The following URB2 variants were observed in gnomAD, a reference collection of about 807,000 sequenced individuals.
The protein encoded by URB2 is URB2 ribosome biogenesis homolog.
A neutral mutation model predicts 120.9 loss-of-function variants in URB2; 86 were observed. The ratio of observed to expected loss-of-function variants is 0.71; its 90% confidence interval spans 0.60 to 0.85. The LOEUF is 0.85. Among genes scored for constraint, URB2 ranks in the 40% least tolerant of loss-of-function variants. The probability of loss-of-function intolerance (pLI) is 0.00; values close to 1 mark genes in which losing one functional copy is unlikely to be tolerated. For missense variants in URB2, 1,765 were observed against 1,836.5 expected (o/e 0.96, Z 0.71); for synonymous variants, 755 against 758.4 (o/e 1.00, Z 0.07).
intron 5 of URB2, among the ~76,000 whole-genome samples, chr1:229,645,172 C>T (rs1437839684): frequency 6.6e-6 from 1 of 151,906 alleles, no homozygotes; most frequent in Admixed American, 6.6e-5. Context: ...GTAATCCCAG[C>T]CACCTGGGAG....
At chr1:229,657,952 A>G (rs555561809) in intron 9 of URB2, among the ~76,000 whole-genome samples, 49 of 152,318 alleles carry the variant, frequency 3.2e-4, no homozygotes, top group African/African-American at 9.9e-4. Flanking sequence ...CAGGGTAGCA[A>G]TAAATGATCA....
intron 8 of URB2, among the ~76,000 whole-genome samples, chr1:229,651,682 C>G (rs780258259): frequency 1.5e-4 from 23 of 152,148 alleles, no homozygotes; most frequent in African/African-American, 5.3e-4. Context: ...TGAAAAGGAA[C>G]AGGCAGGTAT....
intron 2 of URB2, among the ~76,000 whole-genome samples, chr1:229,628,101 TTATATATG>T (rs1665558800): frequency 7.0e-6 from 1 of 142,836 alleles, no homozygotes; most frequent in African/African-American, 2.6e-5. Flanking sequence ...ATTATATATA[TTATATATG>T]TATATATATG....
chr1:229,639,693 C>A (rs1368998311), intron 4 of URB2, among the ~76,000 whole-genome samples: 2 of 152,180 alleles, frequency 1.3e-5, no homozygotes, highest in Non-Finnish European at 2.9e-5. Context: ...ACTGTGCCTT[C>A]CTTAGTTCAC....
intron 5 of URB2, among the ~76,000 whole-genome samples, chr1:229,645,013 C>T (rs917080853): frequency 1.3e-5 from 2 of 152,066 alleles, no homozygotes; most frequent in Admixed American, 6.6e-5. Flanking sequence ...TGGCCGGGTG[C>T]GGTGGCTCAT....
chr1:229,641,895 A>G (rs1386054553), intron 4 of URB2, among the ~76,000 whole-genome samples: 1 of 152,118 alleles, frequency 6.6e-6, no homozygotes, highest in African/African-American at 2.4e-5. Flanking sequence ...CTGTGGTCCC[A>G]ACTACTCCGA....
At chr1:229,647,434 A>C in intron 6 of URB2, 76 bp from the exon 7 acceptor site, 1 of 1,528,126 alleles carries the variant, frequency 6.5e-7, no homozygotes, top group East Asian at 2.3e-5. Flanking sequence ...TACCTCAGTC[A>C]CTCAGAGCTG....
At chr1:229,626,525 G>A (rs1353680809) in intron 1 of URB2, among the ~76,000 whole-genome samples, 169 bp downstream of exon 1, 1 of 152,274 alleles carries the variant, frequency 6.6e-6, no homozygotes, top group Non-Finnish European at 1.5e-5. Flanking sequence ...GGCTGGAGCG[G>A]CTTCGGCACG....
chr1:229,654,589 C>T (rs1255517708), intron 9 of URB2, among the ~76,000 whole-genome samples: 1 of 152,080 alleles, frequency 6.6e-6, no homozygotes, highest in African/African-American at 2.4e-5. Flanking sequence ...AACTCCTGGG[C>T]TCAAATGTTC....
Position 229,648,398 on chromosome 1 carries a change from C to T in URB2, c.4149+646C>T, listed in dbSNP as rs898879214. ...AAAATTACTCTGTTTTTGCTCACCA[C>T]GTCTTTAAATAAGCCACTCGCATAG... On this transcript the variant is annotated intron_variant, in intron 7 of 9. Coordinates refer to ENST00000258243, the MANE Select transcript of URB2 (RefSeq NM_014777.4). Among the ~76,000 whole-genome samples the T allele has an allele frequency of 4.6e-5, 7 of 152,256 alleles. No individual in the cohort carries two copies. In the South Asian group the frequency reaches 6.2e-4, roughly 14 times the overall value.
Position 229,635,577 on chromosome 1 carries a change from C to G in URB2, c.964C>G (p.Leu322Val), listed in dbSNP as rs1665782770. 1 of 1,614,124 alleles carries G rather than the reference C, an allele frequency of 6.2e-7. No homozygotes were observed. The highest frequency in any genetic ancestry group is 1.3e-5 in the African/African-American group (1 of 75,060). ...TTCTTACTTTAAGGAGGGAAACCAGCTTCTCTGCTTCCAGGTTCTCCCCAG... is the reference window on the plus strand; with the variant it reads ...TTCTTACTTTAAGGAGGGAAACCAGGTTCTCTGCTTCCAGGTTCTCCCCAG... ...LDSYFKEGNQ[L>V]LCFQVLPRLF... is the part of the protein sequence containing the mutation. Residue 322 changes from leucine (L) to valine (V), a missense_variant, in exon 4 of 10, where the codon CTT becomes GTT. By Grantham distance (32) the Leu-to-Val change is conservative. Transcript: ENST00000258243.
intron 5 of URB2, 23 bp downstream of exon 5, chr1:229,643,716 T>G: frequency 6.2e-7 from 1 of 1,603,062 alleles, no homozygotes; most frequent in South Asian, 1.1e-5. Context: ...TCCCTCCTTG[T>G]GTGGCAGGCT....
At position 229,635,212 on chromosome 1, in the gene URB2, A is replaced by G; in HGVS notation, c.599A>G (p.His200Arg). The G allele has an allele frequency of 6.2e-7, 1 of 1,614,192 alleles. No individual in the cohort carries two copies. Among genetic ancestry groups the G allele is most frequent in the Non-Finnish European group, 8.5e-7 (1 of 1,180,030 alleles). ...PRRAFGDVTA[H>R]LLQPCLVLRH... Reference sequence around the variant, plus strand: ...CGTGCCTTTGGGGATGTGACTGCTCACCTGCTCCAGCCGTGCCTGGTCCTG... The same window carrying G: ...CGTGCCTTTGGGGATGTGACTGCTCGCCTGCTCCAGCCGTGCCTGGTCCTG... Residue 200 changes from histidine to arginine, a missense_variant, in exon 4 of 10, where the codon CAC becomes CGC. Physicochemically the swap from His to Arg is conservative, Grantham distance 29 (BLOSUM62 0). Coordinates refer to ENST00000258243, the MANE Select transcript of URB2 (RefSeq NM_014777.4).
intron 9 of URB2, among the ~76,000 whole-genome samples, chr1:229,657,081 T>G (rs1281695115): frequency 6.6e-6 from 1 of 152,208 alleles, no homozygotes; most frequent in Non-Finnish European, 1.5e-5. Flanking sequence ...AATGTCAAGT[T>G]GAAAAGTGTT....
At chr1:229,656,808 G>A (rs958007126) in intron 9 of URB2, among the ~76,000 whole-genome samples, 1 of 152,190 alleles carries the variant, frequency 6.6e-6, no homozygotes, top group African/African-American at 2.4e-5. Context: ...GAAACATGCA[G>A]GGAAATTATG....
At position 229,637,023 on chromosome 1, in the gene URB2, A is replaced by T. The variant is rs754064819; in HGVS notation, c.2410A>T (p.Met804Leu). The change falls in exon 4 of 10, where the codon ATG becomes TTG. Residue 804 changes from methionine to leucine, a missense_variant. Transcript: ENST00000258243. ...CCTTCATAGCCCTCTCTTTCCAGAGATGCAGTCCCTTCATTCTGCTTTCTT... is the reference window on the plus strand; with the variant it reads ...CCTTCATAGCCCTCTCTTTCCAGAGTTGCAGTCCCTTCATTCTGCTTTCTT... ...AFLHSPLFPE[M>L]QSLHSAFLTC... 67 of 1,613,956 alleles carry T rather than the reference A, an allele frequency of 4.2e-5. No individual in the cohort carries two copies. Among genetic ancestry groups the T allele is most frequent in the Non-Finnish European group, 4.9e-5 (58 of 1,180,048 alleles).
Position 229,659,341 on chromosome 1 carries a change from T to G in URB2, c.*44T>G. 1 of 1,585,200 alleles carries G rather than the reference T, an allele frequency of 6.3e-7. No individual in the cohort carries two copies. The highest frequency in any genetic ancestry group is 8.6e-7 in the Non-Finnish European group (1 of 1,158,674). On this transcript the variant is annotated 3_prime_UTR_variant, in exon 10 of 10. Transcript: ENST00000258243. ...CCGCCAGTGACACTGTCCAGAGGCTTTGGCTGCATGGTCTGAAAGAGCTGG... is the reference window on the plus strand; with the variant it reads ...CCGCCAGTGACACTGTCCAGAGGCTGTGGCTGCATGGTCTGAAAGAGCTGG...
In URB2 at chr1:229,660,171, T is replaced by C. The variant is rs1666493027; in HGVS notation, c.*874T>C. The C allele has an allele frequency of 6.6e-6, 1 of 152,102 alleles. No individual in the cohort carries two copies. The highest frequency in any genetic ancestry group is 2.4e-5 in the African/African-American group (1 of 41,416). The allele number at this position is 152,102 out of a possible 1,614,324, so 9.4% of individuals were successfully genotyped here. Reference sequence around the variant, plus strand: ...CATATAAATATATATAGTAGCTAAATTGGATCATAAATGCATTTTTTTAAA... The same window carrying C: ...CATATAAATATATATAGTAGCTAAACTGGATCATAAATGCATTTTTTTAAA... On this transcript the variant is annotated 3_prime_UTR_variant, in exon 10 of 10. Transcript: ENST00000258243.
chr1:229,635,081 G>C lies in URB2; in HGVS notation c.468G>C (p.Ser156=). 6.2e-7 allele frequency: 1 copy of C among 1,613,954 alleles called. No individual in the cohort carries two copies. The highest frequency in any genetic ancestry group is 8.5e-7 in the Non-Finnish European group (1 of 1,179,900). ...CCTTGCTGAGCCAGCTTTGCTGGTC[G>C]GCCTGCAGGCAGCCCGAAGGAGCTG... ...MVALLSQLCW[S]ACRQPEGAVV... is the part of the protein sequence containing the mutation. Residue 156 remains serine, a synonymous_variant, in exon 4 of 10, where the codon TCG becomes TCC. Coordinates refer to ENST00000258243, the MANE Select transcript of URB2 (RefSeq NM_014777.4).
Sources: gnomAD v4.1 joint callset for allele counts (sites outside exome capture counted in the v4.1 genomes callset) on GRCh38, gnomAD v4.1.1 for gene constraint, MANE v1.5 for transcripts, NCBI Gene and HGNC (gene_info 2026-07-23, HGNC 2026-07-21) for gene names.